HABP4: variants seen among roughly 807,000 people sequenced by gnomAD.
HABP4 encodes the protein hyaluronan binding protein 4, also known as intracellular hyaluronan-binding protein 4.
A neutral mutation model predicts 44.1 loss-of-function variants in HABP4; 32 were observed. That is an observed-to-expected ratio of 0.73 (90% CI 0.55 to 0.97). HABP4 has a LOEUF of 0.97. Among genes scored for constraint, HABP4 ranks in the 50% least tolerant of loss-of-function variants. HABP4 has a pLI of 0.00. For synonymous variants in HABP4, 216 were observed against 218.0 expected (o/e 0.99, Z 0.08); for missense variants, 503 against 561.9 (o/e 0.90, Z 1.06).
chr9:96,480,682 A>G (rs1394452787), intron 5 of HABP4, among the ~76,000 whole-genome samples: 2 of 152,252 alleles, frequency 1.3e-5, no homozygotes, highest in Non-Finnish European at 2.9e-5. Flanking sequence ...TTCAACATGC[A>G]TATCACTAAA....
chr9:96,457,284 T>C (rs1162092795), intron 1 of HABP4, among the ~76,000 whole-genome samples: 1 of 151,774 alleles, frequency 6.6e-6, no homozygotes, highest in Non-Finnish European at 1.5e-5. Flanking sequence ...GAGGTTGCAG[T>C]GAGCCGAGAT....
Position 96,450,632 on chromosome 9 carries a change from C to CGCGGGGACA in HABP4, c.349+11_349+19dup. 7.9e-7 allele frequency: 1 copy of CGCGGGGACA among 1,263,602 alleles called. No homozygotes were observed. The highest frequency in any genetic ancestry group is 2.8e-5 in the South Asian group (1 of 35,212). The allele number at this position is 1,263,602 out of a possible 1,614,324, so 78.3% of individuals were successfully genotyped here. On this transcript the variant is annotated splice_donor_region_variant and intron_variant, in intron 1 of 7. Coordinates refer to ENST00000375249, the MANE Select transcript of HABP4 (RefSeq NM_014282.4). The surrounding 1 kb of genome is among the most constrained non-coding windows in gnomAD (Gnocchi z 4.8). ...GGGGGCGGCCTGCAGGCGCCGGGTA[C>CGCGGGGACA]GCGGGGACAGCGGGGTTAGCGGACC...
chr9:96,489,110 G>A (rs994368184), intron 7 of HABP4, among the ~76,000 whole-genome samples: 2 of 152,044 alleles, frequency 1.3e-5, no homozygotes, highest in African/African-American at 2.4e-5. Context: ...CGGTTCCCTC[G>A]CTCTAGGGAG....
At chr9:96,476,659 G>A (rs566815486) in intron 5 of HABP4, among the ~76,000 whole-genome samples, 1 of 152,326 alleles carries the variant, frequency 6.6e-6, no homozygotes, top group South Asian at 2.1e-4. Flanking sequence ...ATCTCTTCCT[G>A]TTGAATATTT....
chr9:96,467,510 C>T (rs1202303101), intron 4 of HABP4, among the ~76,000 whole-genome samples: 4 of 143,882 alleles, frequency 2.8e-5, no homozygotes, highest in South Asian at 2.2e-4. Context: ...TTTTCTTTTT[C>T]TTTCTTTCTT....
intron 5 of HABP4, among the ~76,000 whole-genome samples, chr9:96,476,805 CCTTGGTGATA>C (rs776883887): frequency 2.6e-4 from 40 of 152,320 alleles, no homozygotes; most frequent in Middle Eastern, 3.4e-3. Context: ...AGGAGCCTGT[CCTTGGTGATA>C]CTATGCTGCT....
chr9:96,458,443 G>C lies in HABP4; in HGVS notation c.414G>C (p.Gly138=). Residue 138 remains glycine (G), a synonymous_variant, in exon 2 of 8, where the codon GGG becomes GGC. Transcript: ENST00000375249. The stretch of plus-strand genomic sequence containing the variant: ...GGAATGACAGCCGTGGGCCGGAGGG[G>C]ATGCTCGAAAGAGCTGAGCGGAGAT... ...QGWNDSRGPE[G]MLERAERRSY... 1.2e-6 allele frequency: 2 copies of C among 1,613,824 alleles called. No homozygotes were observed. The highest frequency in any genetic ancestry group is 1.7e-6 in the Non-Finnish European group (2 of 1,179,712).
In HABP4 at chr9:96,488,953, C is replaced by T. The variant is rs1564171298; in HGVS notation, c.1185+679C>T. On this transcript the variant is annotated intron_variant, in intron 7 of 7. Coordinates refer to ENST00000375249, the MANE Select transcript of HABP4 (RefSeq NM_014282.4). This position sits in a 1 kb window ranked among gnomAD's most constrained non-coding sequence, Gnocchi z 4.6. ...GTCAGCGGCTGCTTTTGCTCATTAC[C>T]GGTTTACGCAGTGCCACGCAGTGCC... Among the ~76,000 whole-genome samples the T allele has an allele frequency of 2.0e-5, 3 of 152,142 alleles. 1 individual carries two copies. The highest frequency in any genetic ancestry group is 4.1e-4 in the South Asian group (2 of 4,824).
rs775321263 is a variant in HABP4, at chr9:96,450,300, T to A, written c.21T>A (p.Ser7Arg). Residue 7 changes from serine to arginine, a missense_variant, in exon 1 of 8, where the codon AGT (serine) becomes AGA (arginine). Ser to Arg is a moderately radical substitution (Grantham distance 110, BLOSUM62 -1). Around this residue, in one of 3 missense-constraint regions of HABP4, gnomAD observed 290 missense variants for 300.5 expected, o/e 0.97. Coordinates refer to ENST00000375249, the MANE Select transcript of HABP4 (RefSeq NM_014282.4). The surrounding 1 kb of genome is among the most constrained non-coding windows in gnomAD (Gnocchi z 4.8). MKGALG[S>R]PVAAAGAAMQ... is the part of the protein sequence containing the mutation. ...GCGGCATGAAGGGCGCTCTGGGGAGTCCCGTGGCTGCCGCTGGCGCCGCGA... is the reference window on the plus strand; with the variant it reads ...GCGGCATGAAGGGCGCTCTGGGGAGACCCGTGGCTGCCGCTGGCGCCGCGA... The A allele has an allele frequency of 4.9e-6, 7 of 1,433,074 alleles. No individual in the cohort carries two copies. The South Asian group carries it at 7.7e-5, about 16-fold the overall frequency. The allele number at this position is 1,433,074 out of a possible 1,614,324, so 88.8% of individuals were successfully genotyped here. A position where few individuals can be genotyped will look rare whatever the true frequency, so the allele number is the denominator to read the frequency against.
chr9:96,450,456 C>T lies in HABP4; in HGVS notation c.177C>T (p.Asp59=), dbSNP rs1832247984. ...AGCAGCTGCAGCGCAAGAGGCGCGACGAGGCGGCGGCGGCGGCCGGGGCCG... is the reference window on the plus strand; with the variant it reads ...AGCAGCTGCAGCGCAAGAGGCGCGATGAGGCGGCGGCGGCGGCCGGGGCCG... The part of the protein sequence containing the change: ...RQQQLQRKRR[D]EAAAAAGAGP... The change falls in exon 1 of 8, where the codon GAC becomes GAT. Residue 59 remains aspartate (D), a synonymous_variant. Transcript: ENST00000375249. This position sits in a 1 kb window ranked among gnomAD's most constrained non-coding sequence, Gnocchi z 4.8. 11 of 1,242,510 alleles carry T rather than the reference C, an allele frequency of 8.9e-6. No homozygotes were observed. Among genetic ancestry groups the T allele is most frequent in the South Asian group, 3.1e-5 (1 of 32,034 alleles). 77.0% of individuals were successfully genotyped at this position (1,242,510 alleles called of 1,614,324 possible).
At chr9:96,471,641 C>T (rs1414251669) in intron 5 of HABP4, among the ~76,000 whole-genome samples, 4 of 152,156 alleles carry the variant, frequency 2.6e-5, no homozygotes, top group East Asian at 1.9e-4. Flanking sequence ...TTTCCAGCAG[C>T]TTGTTAAATT....
chr9:96,477,236 T>A (rs1832797490), intron 5 of HABP4, among the ~76,000 whole-genome samples: 1 of 152,370 alleles, frequency 6.6e-6, no homozygotes, highest in East Asian at 1.9e-4. Flanking sequence ...AGCATTCAGT[T>A]CTGTTGATTT....
intron 5 of HABP4, among the ~76,000 whole-genome samples, chr9:96,472,676 T>G (rs1395325795): frequency 1.3e-5 from 2 of 152,200 alleles, no homozygotes; most frequent in Non-Finnish European, 2.9e-5. Context: ...CCAACCCTAG[T>G]CTTCCAGTCA....
rs1266708516 is a variant in HABP4 at position 96,450,223 on chromosome 9, T to A, written c.-57T>A. 7.7e-6 allele frequency: 10 copies of A among 1,290,526 alleles called. No individual in the cohort carries two copies. Among genetic ancestry groups the A allele is most frequent in the Non-Finnish European group, 4.9e-6 (5 of 1,012,308 alleles). The allele number at this position is 1,290,526 out of a possible 1,614,324, so 79.9% of individuals were successfully genotyped here. ...GGCGGCATGGGTCCTGGCCGCCGGCTTCGCTGAGACGCGCTCGCGTGGGCT... is the reference window on the plus strand; with the variant it reads ...GGCGGCATGGGTCCTGGCCGCCGGCATCGCTGAGACGCGCTCGCGTGGGCT... On this transcript the variant is annotated 5_prime_UTR_variant, in exon 1 of 8. Coordinates refer to ENST00000375249, the MANE Select transcript of HABP4 (RefSeq NM_014282.4). This position sits in a 1 kb window ranked among gnomAD's most constrained non-coding sequence, Gnocchi z 4.8.
intron 4 of HABP4, among the ~76,000 whole-genome samples, chr9:96,468,761 TAATA>T (rs971556378): frequency 5.3e-5 from 8 of 152,248 alleles, no homozygotes; most frequent in Admixed American, 2.0e-4. Flanking sequence ...ATTTCTTAAT[TAATA>T]AATAGAGATA....
chr9:96,486,294 A>G (rs1179798892), intron 6 of HABP4, among the ~76,000 whole-genome samples: 2 of 152,192 alleles, frequency 1.3e-5, no homozygotes, highest in Admixed American at 6.5e-5. Flanking sequence ...TTCCACAAGA[A>G]ATGGCTTTTT....
intron 4 of HABP4, among the ~76,000 whole-genome samples, chr9:96,470,419 C>A (rs372734351): frequency 5.3e-5 from 8 of 152,068 alleles, no homozygotes; most frequent in East Asian, 1.9e-4. Flanking sequence ...GCGTGAGCCA[C>A]CCTGCCGGCC....
chr9:96,484,925 C>T (rs565862583), intron 6 of HABP4, among the ~76,000 whole-genome samples: 1 of 152,116 alleles, frequency 6.6e-6, no homozygotes, highest in Non-Finnish European at 1.5e-5. Flanking sequence ...TCATTTTTCT[C>T]AAGGGAGAGT....
At chr9:96,468,870 A>G (rs1457508186) in intron 4 of HABP4, among the ~76,000 whole-genome samples, 1 of 152,214 alleles carries the variant, frequency 6.6e-6, no homozygotes, top group Non-Finnish European at 1.5e-5. Context: ...CATGAAAATG[A>G]TGTATGCGAA....
Sources: allele counts gnomAD v4.1 joint callset (sites outside exome capture counted in the v4.1 genomes callset), GRCh38; gene constraint gnomAD v4.1.1; regional missense constraint gnomAD v4.1.1; non-coding constraint Gnocchi (gnomAD v3.1); transcripts MANE v1.5; gene names NCBI Gene and HGNC (gene_info 2026-07-23, HGNC 2026-07-21).